Variants in SRC observed in about 807,000 individuals in gnomAD.
The protein encoded by SRC is proto-oncogene tyrosine-protein kinase Src.
SRC carries 13 observed loss-of-function variants against 62.9 expected under a neutral mutation model. That is an observed-to-expected ratio of 0.21 (90% CI 0.13 to 0.33). The LOEUF is 0.33. SRC is among the 10% of genes least tolerant of loss of function. The pLI is 1.00. For synonymous variants in SRC, 302 were observed against 317.5 expected, an observed-to-expected ratio of 0.95 and a Z score of 0.52; for missense variants, 457 against 737.3, an observed-to-expected ratio of 0.62 and a Z score of 4.40.
Position 37,397,699 on chromosome 20 carries a change from A to T in SRC, c.704A>T (p.Lys235Ile), listed in dbSNP as rs1400593225. The change falls in exon 9 of 14, where the codon AAA becomes ATA. Residue 235 changes from lysine to isoleucine, a missense_variant and splice_region_variant. Lys to Ile is a moderately radical substitution (Grantham distance 102). Coordinates refer to ENST00000373578, the MANE Select transcript of SRC (RefSeq NM_198291.3). The surrounding 1 kb of genome is among the most constrained non-coding windows in gnomAD (Gnocchi z 4.1). ...ACTGCTCCTCCTGCCTCCTCCTCAG[A>T]ACACGCCGATGGCCTGTGCCACCGC... The part of the protein sequence containing the change: ...SLQQLVAYYS[K>I]HADGLCHRLT... The T allele has an allele frequency of 6.4e-7, 1 of 1,573,740 alleles. No homozygotes were observed. The highest frequency in any genetic ancestry group is 8.6e-7 in the Non-Finnish European group (1 of 1,157,966).
intron 5 of SRC, among the ~76,000 whole-genome samples, chr20:37,390,966 T>C (rs1199109965): frequency 6.6e-6 from 1 of 152,108 alleles, no homozygotes; most frequent in Admixed American, 6.5e-5. Flanking sequence ...AAATGAAACC[T>C]CCAGACTAGA....
intron 1 of SRC, among the ~76,000 whole-genome samples, chr20:37,348,810 G>C (rs931841628): frequency 2.0e-5 from 3 of 152,292 alleles, no homozygotes; most frequent in Admixed American, 2.0e-4. Context: ...AGAGGCCTAG[G>C]GTACACAGGA....
chr20:37,386,354 G>A (rs556183705), intron 5 of SRC, 180 bp downstream of exon 5: 1 of 729,996 alleles, frequency 1.4e-6, no homozygotes, highest in Non-Finnish European at 2.5e-6. Context: ...ACCTGCTGTT[G>A]CTCCCCCAGC....
intron 7 of SRC, 59 bp downstream of exon 7, chr20:37,394,336 G>A: frequency 6.7e-7 from 1 of 1,502,414 alleles, no homozygotes; most frequent in East Asian, 2.3e-5. Context: ...TTTGAGCTGG[G>A]TGTTGTGGAA....
At chr20:37,393,697 G>T in intron 5 of SRC, 198 bp from the exon 6 acceptor site, 1 of 565,308 alleles carries the variant, frequency 1.8e-6, no homozygotes, top group East Asian at 2.8e-5. Context: ...TTGGCAAAAA[G>T]GCGTCTGCGC....
At chr20:37,363,568 G>T (rs574214007) in intron 1 of SRC, among the ~76,000 whole-genome samples, 42 of 152,342 alleles carry the variant, frequency 2.8e-4, no homozygotes, top group African/African-American at 9.9e-4. Context: ...TGTAAAACGA[G>T]TGTGGCCACA....
rs367543248 is a variant in SRC at position 37,403,242 on chromosome 20, G to A, written c.1474G>A (p.Glu492Lys). 9.5e-6 allele frequency: 15 copies of A among 1,586,168 alleles called. No homozygotes were observed. Among genetic ancestry groups the A allele is most frequent in the South Asian group, 5.7e-5 (5 of 87,204 alleles). Reference protein sequence around the residue: ...YRMPCPPECPESLHDLMCQCW... With the variant: ...YRMPCPPECPKSLHDLMCQCW... ...GATGCCCTGCCCGCCGGAGTGTCCC[G>A]AGTCCCTGCACGACCTCATGTGCCA... The change falls in exon 14 of 14, where the codon GAG becomes AAG. Residue 492 changes from glutamate to lysine, a missense_variant. Glu to Lys is a moderately conservative substitution (Grantham distance 56, BLOSUM62 1). This residue lies in a region of SRC where 168 missense variants were observed against 357.8 expected (regional missense o/e 0.47). Coordinates refer to ENST00000373578, the MANE Select transcript of SRC (RefSeq NM_198291.3). This position sits in a 1 kb window ranked among gnomAD's most constrained non-coding sequence, Gnocchi z 7.1.
chr20:37,399,376 C>T (rs1413453635), intron 9 of SRC, among the ~76,000 whole-genome samples: 1 of 152,132 alleles, frequency 6.6e-6, no homozygotes, highest in African/African-American at 2.4e-5. Context: ...TTAGAAATCC[C>T]TGGGCCAGCT....
chr20:37,399,871 C>T (rs1324181408), intron 9 of SRC, among the ~76,000 whole-genome samples: 4 of 152,174 alleles, frequency 2.6e-5, no homozygotes, highest in African/African-American at 9.7e-5. Flanking sequence ...ATCACAGTCC[C>T]GACAACAGCT....
intron 5 of SRC, among the ~76,000 whole-genome samples, chr20:37,387,175 T>C (rs1467318735): frequency 1.3e-5 from 2 of 152,208 alleles, no homozygotes; most frequent in Non-Finnish European, 2.9e-5. Context: ...GCCCCGAGCG[T>C]GTCTGGCTTG....
At position 37,397,740 on chromosome 20, in the gene SRC, C is replaced by T; in HGVS notation, c.745C>T (p.Pro249Ser). ...GLCHRLTTVC[P>S]TSKPQTQGLA... is the part of the protein sequence containing the mutation. ...GTGCCACCGCCTCACCACCGTGTGC[C>T]CCACGTCCAAGCCGCAGACTCAGGG... Residue 249 changes from proline (P) to serine (S), a missense_variant, in exon 9 of 14, where the codon CCC (proline) becomes TCC (serine). Transcript: ENST00000373578. The surrounding 1 kb of genome is among the most constrained non-coding windows in gnomAD (Gnocchi z 4.1). The T allele has an allele frequency of 6.2e-7, 1 of 1,608,632 alleles. No homozygotes were observed. Among genetic ancestry groups the T allele is most frequent in the Non-Finnish European group, 8.5e-7 (1 of 1,177,408 alleles).
intron 5 of SRC, among the ~76,000 whole-genome samples, chr20:37,392,459 G>T (rs2070566485): frequency 6.6e-6 from 1 of 152,172 alleles, no homozygotes; most frequent in Non-Finnish European, 1.5e-5. Context: ...GTGACTGTAG[G>T]CAAGGGCCTT....
At chr20:37,381,804 T>A (rs17787897) in intron 2 of SRC, among the ~76,000 whole-genome samples, 7,133 of 152,196 alleles carry the variant, frequency 0.047, 393 homozygotes, top group East Asian at 0.18. Context: ...TAGGTTGCCA[T>A]AGAAACTGAC....
chr20:37,394,234 C>T lies in SRC; in HGVS notation c.510C>T (p.Asn170=), dbSNP rs759443292. Residue 170 remains asparagine, a synonymous_variant, in exon 7 of 14, where the codon AAC becomes AAT. Coordinates refer to ENST00000373578, the MANE Select transcript of SRC (RefSeq NM_198291.3). ...ESERLLLNAE[N]PRGTFLVRES... is the part of the protein sequence containing the mutation. ...AGCGGTTACTGCTCAATGCAGAGAACCCGAGAGGGACCTTCCTCGTGCGAG... is the reference window on the plus strand; with the variant it reads ...AGCGGTTACTGCTCAATGCAGAGAATCCGAGAGGGACCTTCCTCGTGCGAG... The T allele has an allele frequency of 2.5e-6, 4 of 1,614,082 alleles. No individual in the cohort carries two copies. Among genetic ancestry groups the T allele is most frequent in the African/African-American group, 2.7e-5 (2 of 75,076 alleles).
At chr20:37,378,766 G>C (rs2070314966) in intron 2 of SRC, among the ~76,000 whole-genome samples, 1 of 152,194 alleles carries the variant, frequency 6.6e-6, no homozygotes, top group African/African-American at 2.4e-5. Flanking sequence ...GGCTGCGGGG[G>C]GAGGGTGGAC....
chr20:37,392,177 A>T (rs79792101), intron 5 of SRC, among the ~76,000 whole-genome samples: 2,416 of 152,066 alleles, frequency 0.016, 27 homozygotes, highest in Non-Finnish European at 0.025. Flanking sequence ...TGTAGCCATC[A>T]CAGAGCCAAG....
chr20:37,396,652 T>A lies in SRC; in HGVS notation c.703+341T>A, dbSNP rs2070656737. The A allele has an allele frequency of 8.8e-6, 3 of 339,824 alleles. No individual in the cohort carries two copies. Among genetic ancestry groups the A allele is most frequent in the Non-Finnish European group, 1.7e-5 (3 of 179,472 alleles). The allele number at this position is 339,824 out of a possible 1,614,324, so 21.1% of individuals were successfully genotyped here. Reference sequence around the variant, plus strand: ...GGGAGGGGACAGAGGCTGGTGTCATTTGTCTCTGTAGCCCTAGGACCGGTC... The same window carrying A: ...GGGAGGGGACAGAGGCTGGTGTCATATGTCTCTGTAGCCCTAGGACCGGTC... On this transcript the variant is annotated intron_variant, in intron 8 of 13. Coordinates refer to ENST00000373578, the MANE Select transcript of SRC (RefSeq NM_198291.3). This position sits in a 1 kb window ranked among gnomAD's most constrained non-coding sequence, Gnocchi z 6.1.
rs989086047 is a variant in SRC, at chr20:37,395,687, G to A, written c.554-475G>A. Among the ~76,000 whole-genome samples, 3 of 152,268 alleles carry A rather than the reference G, an allele frequency of 2.0e-5. No individual in the cohort carries two copies. The South Asian group carries it at 6.2e-4, about 32-fold the overall frequency. ...TTGGGGGGACATGGACAGTGCCCCC[G>A]CAAGCTGACCCAGAGAGGGAAAGCA... On this transcript the variant is annotated intron_variant, in intron 7 of 13. Coordinates refer to ENST00000373578, the MANE Select transcript of SRC (RefSeq NM_198291.3).
At chr20:37,354,744 C>T (rs1390482655) in intron 1 of SRC, among the ~76,000 whole-genome samples, 1 of 152,206 alleles carries the variant, frequency 6.6e-6, no homozygotes, top group African/African-American at 2.4e-5. Flanking sequence ...TCTGGGTGCC[C>T]TGTGGTTGCC....
Sources: gnomAD v4.1 joint callset for allele counts (sites outside exome capture counted in the v4.1 genomes callset) on GRCh38, gnomAD v4.1.1 for gene constraint, gnomAD v4.1.1 regional missense constraint, Gnocchi (gnomAD v3.1) non-coding constraint, MANE v1.5 for transcripts, NCBI Gene and HGNC (gene_info 2026-07-23, HGNC 2026-07-21) for gene names.